The following LPP variants were observed in gnomAD, a reference collection of about 807,000 sequenced individuals.
LPP encodes the protein lipoma-preferred partner.
A neutral mutation model predicts 60.4 loss-of-function variants in LPP; 38 were observed. The observed-to-expected ratio is 0.63, with a 90% CI of 0.49 to 0.83. LPP has a LOEUF of 0.83. Among genes scored for constraint, LPP ranks in the 40% least tolerant of loss-of-function variants. The pLI is 0.00. For missense variants in LPP, 902 were observed against 783.6 expected, an observed-to-expected ratio of 1.15 and a Z score of -1.80; for synonymous variants, 328 against 290.8, an observed-to-expected ratio of 1.13 and a Z score of -1.30.
intron 4 of LPP, among the ~76,000 whole-genome samples, chr3:188,413,995 C>T (rs1441694256): frequency 6.6e-6 from 1 of 152,096 alleles, no homozygotes; most frequent in Non-Finnish European, 1.5e-5. Flanking sequence ...CTATTATATA[C>T]TTATTCAGCA....
At chr3:188,400,965 T>G (rs1347373893) in intron 3 of LPP, among the ~76,000 whole-genome samples, 1 of 152,184 alleles carries the variant, frequency 6.6e-6, no homozygotes, top group East Asian at 1.9e-4. Context: ...AACCCATTTA[T>G]CAAAATGAAG....
chr3:188,316,830 C>T (rs1300747561), intron 2 of LPP, among the ~76,000 whole-genome samples: 2 of 152,256 alleles, frequency 1.3e-5, no homozygotes, highest in Non-Finnish European at 2.9e-5. Flanking sequence ...GGGACAAACA[C>T]TCCGCCTTTC....
At chr3:188,298,973 G>A (rs1214318522) in intron 2 of LPP, among the ~76,000 whole-genome samples, 1 of 152,120 alleles carries the variant, frequency 6.6e-6, no homozygotes, top group Non-Finnish European at 1.5e-5. Context: ...TTCTACTCTT[G>A]CCCCAGGCCC....
At chr3:188,524,413 A>T (rs1032295372) in intron 5 of LPP, among the ~76,000 whole-genome samples, 2 of 152,204 alleles carry the variant, frequency 1.3e-5, no homozygotes, top group African/African-American at 2.4e-5. Context: ...ATTTTAAACA[A>T]CAACAACGAC....
chr3:188,646,797 C>T (rs1851186889), intron 7 of LPP, among the ~76,000 whole-genome samples: 1 of 152,230 alleles, frequency 6.6e-6, no homozygotes, highest in Admixed American at 6.5e-5. Flanking sequence ...CTTTCTATCA[C>T]ATGGTGCTGA....
chr3:188,817,298 A>G (rs952665350), intron 9 of LPP, among the ~76,000 whole-genome samples: 1 of 152,188 alleles, frequency 6.6e-6, no homozygotes, highest in East Asian at 1.9e-4. Flanking sequence ...GTTTTCACAG[A>G]GCCTTATCAA....
chr3:188,476,001 C>A (rs1490053556), intron 4 of LPP, among the ~76,000 whole-genome samples: 1 of 152,154 alleles, frequency 6.6e-6, no homozygotes, highest in Non-Finnish European at 1.5e-5. Flanking sequence ...TTAAGTCTTT[C>A]CCCAAATATC....
chr3:188,174,982 C>T (rs750022944), intron 1 of LPP, among the ~76,000 whole-genome samples: 3 of 152,190 alleles, frequency 2.0e-5, no homozygotes, highest in Non-Finnish European at 4.4e-5. Context: ...AGGACCTTCT[C>T]GTCTGCCTGG....
chr3:188,172,469 A>G lies in LPP; in HGVS notation c.-190+18217A>G, dbSNP rs1445096390. Among the ~76,000 whole-genome samples, 7 of 152,232 alleles carry G rather than the reference A, an allele frequency of 4.6e-5. No homozygotes were observed. The East Asian group carries it at 1.3e-3, about 29-fold the overall frequency. ...CTGACATGTGATAAGTGCCCATTAA[A>G]TATTAGCCACTGTTATTATGTGTTA... is the stretch of plus-strand genomic sequence containing the variant. On this transcript the variant is annotated intron_variant, in intron 1 of 11. Coordinates refer to ENST00000617246, the MANE Select transcript of LPP (RefSeq NM_001375462.1).
At chr3:188,509,950 C>G (rs1814947709) in intron 5 of LPP, among the ~76,000 whole-genome samples, 1 of 147,402 alleles carries the variant, frequency 6.8e-6, no homozygotes, top group African/African-American at 2.5e-5. Flanking sequence ...AACTTCTGAC[C>G]TTGTGATCCG....
intron 2 of LPP, among the ~76,000 whole-genome samples, chr3:188,307,413 G>A (rs533595687): frequency 4.0e-4 from 61 of 152,212 alleles, no homozygotes; most frequent in East Asian, 1.9e-3. Context: ...CTGTTTTTTC[G>A]AAAGCCTCAA....
rs754407198 is a variant in LPP, at chr3:188,888,589, ATTAAC to A, written c.*14113_*14117del. On this transcript the variant is annotated 3_prime_UTR_variant, in exon 12 of 12. Transcript: ENST00000617246. ...AAGATGAGCACTAAATATAGGCTCT[ATTAAC>A]TTTACTTTTAGATTTACTGCCTTCA... The A allele has an allele frequency of 3.1e-5, 7 of 224,702 alleles. No homozygotes were observed. The highest frequency in any genetic ancestry group is 6.2e-5 in the Non-Finnish European group (7 of 112,554). 13.9% of individuals were successfully genotyped at this position (224,702 alleles called of 1,614,324 possible). A position where few individuals can be genotyped will look rare whatever the true frequency, so the allele number is the denominator to read the frequency against.
At chr3:188,874,048 A>G (rs1355425324) in intron 11 of LPP, among the ~76,000 whole-genome samples, 1 of 151,872 alleles carries the variant, frequency 6.6e-6, no homozygotes, top group Non-Finnish European at 1.5e-5. Flanking sequence ...AAACTTCTAC[A>G]TGGGAGCCAA....
chr3:188,819,020 T>TG (rs1019940216), intron 9 of LPP, among the ~76,000 whole-genome samples: 1 of 134,460 alleles, frequency 7.4e-6, no homozygotes, highest in African/African-American at 3.0e-5. Context: ...TTGCAACTCA[T>TG]GGGGGTCGTG....
intron 2 of LPP, among the ~76,000 whole-genome samples, chr3:188,230,096 T>G (rs1451695101): frequency 1.3e-5 from 2 of 152,086 alleles, no homozygotes; most frequent in African/African-American, 4.8e-5. Context: ...CATATTCTTT[T>G]TTTTTTTTGA....
chr3:188,224,471 T>C lies in LPP; in HGVS notation c.-189-934T>C, dbSNP rs79340265. On this transcript the variant is annotated intron_variant, in intron 1 of 11. Transcript: ENST00000617246. ...TGTGTAATCATTAGCAAAACAATAA[T>C]AGTTGCTAATGAAATAAAACCTGTA... Among the ~76,000 whole-genome samples the C allele has an allele frequency of 9.5e-3, 1,449 of 152,276 alleles. 53 individuals are homozygous for C. Among genetic ancestry groups the C allele is most frequent in the Admixed American group, 0.066 (1,010 of 15,280 alleles).
intron 2 of LPP, among the ~76,000 whole-genome samples, chr3:188,235,578 G>C (rs1721605846): frequency 6.6e-6 from 1 of 152,098 alleles, no homozygotes; most frequent in South Asian, 2.1e-4. Context: ...GGAGTAAAGT[G>C]ATTGTTCCTT....
chr3:188,888,956 A>T lies in LPP; in HGVS notation c.*14477A>T. ...ATGGCATTGAAACATTTAGGGAAAA[A>T]AAAGATGTTTAAGAGAATTAATAGA... On this transcript the variant is annotated 3_prime_UTR_variant, in exon 12 of 12. Coordinates refer to ENST00000617246, the MANE Select transcript of LPP (RefSeq NM_001375462.1). The T allele has an allele frequency of 4.6e-6, 1 of 217,904 alleles. No homozygotes were observed. Among genetic ancestry groups the T allele is most frequent in the Non-Finnish European group, 9.2e-6 (1 of 108,282 alleles). 13.5% of individuals were successfully genotyped at this position (217,904 alleles called of 1,614,324 possible). A position where few individuals can be genotyped will look rare whatever the true frequency, so the allele number is the denominator to read the frequency against.
chr3:188,420,529 T>C (rs1032097604), intron 4 of LPP, among the ~76,000 whole-genome samples: 3 of 152,192 alleles, frequency 2.0e-5, no homozygotes, highest in African/African-American at 7.2e-5. Flanking sequence ...AGGGATTTTA[T>C]TTTGGGTTCC....
Sources: allele counts gnomAD v4.1 joint callset (sites outside exome capture counted in the v4.1 genomes callset), GRCh38; gene constraint gnomAD v4.1.1; transcripts MANE v1.5; gene names NCBI Gene and HGNC (gene_info 2026-07-23, HGNC 2026-07-21).